The following HMCN2 variants were observed in gnomAD, a reference collection of about 807,000 sequenced individuals.
The protein encoded by HMCN2 is hemicentin-2.
HMCN2 carries 325 observed loss-of-function variants against 377.5 expected under a neutral mutation model. That is an observed-to-expected ratio of 0.86 (90% CI 0.79 to 0.94). The LOEUF (loss-of-function observed/expected upper bound fraction) is 0.94. Among genes scored for constraint, HMCN2 ranks in the 40% least tolerant of loss-of-function variants. The pLI is 0.00. For synonymous variants in HMCN2, 2,007 were observed against 2,046.8 expected (o/e 0.98, Z 0.53); for missense variants, 4,543 against 4,725.3 (o/e 0.96, Z 1.13).
intron 1 of HMCN2, among the ~76,000 whole-genome samples, chr9:130,284,220 C>A (rs141890504): frequency 4.5e-4 from 68 of 152,254 alleles, no homozygotes; most frequent in Non-Finnish European, 8.7e-4. Context: ...TTGTTTGCTT[C>A]TTGTTTCTTT....
rs1445150697 is a variant in HMCN2, at chr9:130,308,856, T to C, written c.2201-1056T>C. Among the ~76,000 whole-genome samples, 10 of 152,194 alleles carry C rather than the reference T, an allele frequency of 6.6e-5. No individual in the cohort carries two copies. The South Asian group carries it at 1.9e-3, about 28-fold the overall frequency. On this transcript the variant is annotated intron_variant, in intron 14 of 97. Transcript: ENST00000683500. The surrounding 1 kb of genome is among the most constrained non-coding windows in gnomAD (Gnocchi z 4.1). ...CAGCCAGACACAAAAAGACAAATAC[T>C]CTCTGATCCCACTTATGTGAGTTAC...
intron 56 of HMCN2, among the ~76,000 whole-genome samples, chr9:130,383,068 C>T (rs1274078121): frequency 1.3e-5 from 2 of 152,226 alleles, no homozygotes; most frequent in Non-Finnish European, 2.9e-5. Flanking sequence ...CAGGAGACAC[C>T]TAGCAAAGGA....
At position 130,382,659 on chromosome 9, in the gene HMCN2, C is replaced by T; in HGVS notation, c.8546-20C>T. 3.1e-6 allele frequency: 3 copies of T among 959,696 alleles called. No homozygotes were observed. Among genetic ancestry groups the T allele is most frequent in the Non-Finnish European group, 3.7e-6 (3 of 806,504 alleles). The allele number at this position is 959,696 out of a possible 1,614,324, so 59.4% of individuals were successfully genotyped here. On this transcript the variant is annotated intron_variant, in intron 55 of 97. Transcript: ENST00000683500. ...CAGGGACCTGTGCCAGCCCCTCAGCCCCCTCTCCCCCACCCCCAGCCCCAC... is the reference window on the plus strand; with the variant it reads ...CAGGGACCTGTGCCAGCCCCTCAGCTCCCTCTCCCCCACCCCCAGCCCCAC...
intron 44 of HMCN2, 146 bp downstream of exon 44, chr9:130,368,583 T>A: frequency 4.1e-6 from 1 of 244,642 alleles, no homozygotes; most frequent in Non-Finnish European, 6.6e-6. Flanking sequence ...GTGAGTCCGT[T>A]CTCACACTGC....
At chr9:130,278,865 G>A (rs1244384930) in intron 1 of HMCN2, among the ~76,000 whole-genome samples, 1 of 150,708 alleles carries the variant, frequency 6.6e-6, no homozygotes, top group African/African-American at 2.4e-5. Context: ...ACAGGCGTGA[G>A]CCACCTCACC....
intron 48 of HMCN2, 113 bp from the exon 49 acceptor site, chr9:130,374,389 C>T (rs1437596025): frequency 1.1e-5 from 5 of 439,056 alleles, no homozygotes; most frequent in Non-Finnish European, 1.5e-5. Context: ...TCATGGGCCT[C>T]TGGGCCGGAA....
At chr9:130,395,392 C>G (rs1000640790) in intron 71 of HMCN2, 45 bp downstream of exon 71, 1 of 1,257,122 alleles carries the variant, frequency 8.0e-7, no homozygotes, top group African/African-American at 1.5e-5. Context: ...CTGTCCCGCT[C>G]AGGCCTCAGA....
intron 28 of HMCN2, 83 bp downstream of exon 28, chr9:130,349,214 TAG>T: frequency 8.1e-7 from 1 of 1,236,122 alleles, no homozygotes; most frequent in Admixed American, 2.5e-5. Flanking sequence ...GGGGAGAGGG[TAG>T]ACTTTGCCTG....
Position 130,302,755 on chromosome 9 carries a change from C to T in HMCN2, c.1277-102C>T, listed in dbSNP as rs1836586382. On this transcript the variant is annotated intron_variant, in intron 8 of 97. Coordinates refer to ENST00000683500, the MANE Select transcript of HMCN2 (RefSeq NM_001291815.2). ...TGACCAGGGGAGCCAGGGGTTGAAT[C>T]CTGGCCTCCTGGCTGCTGGTGCATC... 8 of 318,252 alleles carry T rather than the reference C, an allele frequency of 2.5e-5. No homozygotes were observed. In the Admixed American group the frequency reaches 2.6e-4, roughly 10 times the overall value. The allele number at this position is 318,252 out of a possible 1,614,324, so 19.7% of individuals were successfully genotyped here.
chr9:130,394,949 G>T lies in HMCN2; in HGVS notation c.10693-78G>T. ...GCTGAGTTTGAATCCTGGGTCCCTC[G>T]ATGCATGAGAAAGAAACCAGATTGG... is the stretch of plus-strand genomic sequence containing the variant. On this transcript the variant is annotated intron_variant, in intron 69 of 97. Coordinates refer to ENST00000683500, the MANE Select transcript of HMCN2 (RefSeq NM_001291815.2). This position sits in a 1 kb window ranked among gnomAD's most constrained non-coding sequence, Gnocchi z 5.1. 1.0e-6 allele frequency: 1 copy of T among 961,128 alleles called. No individual in the cohort carries two copies. Among genetic ancestry groups the T allele is most frequent in the Non-Finnish European group, 1.4e-6 (1 of 713,498 alleles). 59.5% of individuals were successfully genotyped at this position (961,128 alleles called of 1,614,324 possible). A position where few individuals can be genotyped will look rare whatever the true frequency, so the allele number is the denominator to read the frequency against.
intron 7 of HMCN2, 148 bp from the exon 8 acceptor site, chr9:130,298,877 A>T: frequency 2.8e-6 from 1 of 353,998 alleles, no homozygotes; most frequent in East Asian, 7.6e-5. Context: ...AGCGTTGGTC[A>T]GCACCAGGGT....
chr9:130,345,011 G>GT (rs1298948907), intron 25 of HMCN2, among the ~76,000 whole-genome samples: 36,709 of 36,920 alleles, frequency 0.99, 18,277 homozygotes, highest in Middle Eastern at 1. Flanking sequence ...GGTGTGTATA[G>GT]TTTTGGTGTG....
chr9:130,383,524 C>T lies in HMCN2; in HGVS notation c.8754C>T (p.Ala2918=), dbSNP rs1217905586. The part of the protein sequence containing the change: ...QVLQVSTAEV[A]DAASYMCVAE... The stretch of plus-strand genomic sequence containing the variant: ...CACAGGTTTCCACGGCAGAGGTGGC[C>T]GACGCCGCCAGCTACATGTGTGTGG... The change falls in exon 57 of 98, where the codon GCC becomes GCT. Residue 2918 remains alanine, a synonymous_variant. Coordinates refer to ENST00000683500, the MANE Select transcript of HMCN2 (RefSeq NM_001291815.2). 2.1e-5 allele frequency: 21 copies of T among 985,948 alleles called. No homozygotes were observed. The highest frequency in any genetic ancestry group is 6.1e-5 in the Admixed American group (1 of 16,272). 61.1% of individuals were successfully genotyped at this position (985,948 alleles called of 1,614,324 possible). A position where few individuals can be genotyped will look rare whatever the true frequency, so the allele number is the denominator to read the frequency against.
At position 130,393,846 on chromosome 9, in the gene HMCN2, G is replaced by A. The variant is rs759009037; in HGVS notation, c.10339G>A (p.Val3447Met). 3.0e-5 allele frequency: 39 copies of A among 1,289,462 alleles called. No homozygotes were observed. The highest frequency in any genetic ancestry group is 2.5e-4 in the Admixed American group (11 of 43,524). The allele number at this position is 1,289,462 out of a possible 1,614,324, so 79.9% of individuals were successfully genotyped here. Reference protein sequence around the residue: ...CEARGVPLPLVSWMKDGEPLL... With the variant: ...CEARGVPLPLMSWMKDGEPLL... ...GGCCCGGGGCGTTCCCCTGCCTCTC[G>A]TGTCGTGGATGAAGGATGGGGAACC... Residue 3447 changes from valine (V) to methionine (M), a missense_variant, in exon 68 of 98, where the codon GTG becomes ATG. Around this residue, in one of 5 missense-constraint regions of HMCN2, gnomAD observed 1,073 missense variants for 1,319.5 expected, o/e 0.81. Transcript: ENST00000683500. This position sits in a 1 kb window ranked among gnomAD's most constrained non-coding sequence, Gnocchi z 5.2.
intron 4 of HMCN2, among the ~76,000 whole-genome samples, chr9:130,293,279 G>GTTTTTTGTTTTTTTTTTTTT (rs1835902511): frequency 1.8e-5 from 1 of 57,126 alleles, no homozygotes; most frequent in African/African-American, 1.1e-4. Context: ...ACTCACTAAA[G>GTTTTTTGTTTTTTTTTTTTT]TTTTTTTTTT....
intron 22 of HMCN2, among the ~76,000 whole-genome samples, chr9:130,333,292 G>A (rs74206748): frequency 0.23 from 34,570 of 152,100 alleles, 4,046 homozygotes; most frequent in African/African-American, 0.27. Flanking sequence ...GGTATTGCCT[G>A]GGGCAGCAGG....
rs770122010 is a variant in HMCN2 at position 130,391,177 on chromosome 9, C to T, written c.9668-27C>T. On this transcript the variant is annotated intron_variant, in intron 63 of 97. Transcript: ENST00000683500. ...TCCCATGGCAGCCCCTGCCATCACC[C>T]AGGGCCTCACTGCACCCCTGCCTCA... 437 of 987,936 alleles carry T rather than the reference C, an allele frequency of 4.4e-4. 1 individual carries two copies. The highest frequency in any genetic ancestry group is 5.1e-4 in the Non-Finnish European group (425 of 830,346). 61.2% of individuals were successfully genotyped at this position (987,936 alleles called of 1,614,324 possible).
chr9:130,366,070 C>T (rs1840674270), intron 43 of HMCN2, 75 bp downstream of exon 43: 7 of 969,182 alleles, frequency 7.2e-6, no homozygotes, highest in African/African-American at 1.8e-5. Flanking sequence ...CCACTGGTTA[C>T]CCCCACCCCA....
intron 85 of HMCN2, among the ~76,000 whole-genome samples, chr9:130,416,727 T>C (rs1564874727): frequency 6.6e-6 from 1 of 152,096 alleles, no homozygotes; most frequent in Non-Finnish European, 1.5e-5. Flanking sequence ...TGTTCCACTT[T>C]AGGACACACT....
Sources: allele counts gnomAD v4.1 joint callset (sites outside exome capture counted in the v4.1 genomes callset), GRCh38; gene constraint gnomAD v4.1.1; regional missense constraint gnomAD v4.1.1; non-coding constraint Gnocchi (gnomAD v3.1); transcripts MANE v1.5; gene names NCBI Gene and HGNC (gene_info 2026-07-23, HGNC 2026-07-21).